Variants in TGFBR2 observed in about 807,000 individuals in gnomAD.
TGFBR2 encodes TGF-beta receptor type-2.
TGFBR2 carries 18 observed loss-of-function variants against 49.0 expected under a neutral mutation model. That is an observed-to-expected ratio of 0.37 (90% CI 0.25 to 0.54). TGFBR2 has a LOEUF of 0.54. Among genes scored for constraint, TGFBR2 ranks in the 20% least tolerant of loss-of-function variants. The pLI is 0.85. For missense variants in TGFBR2, 525 were observed against 722.6 expected (o/e 0.73, Z 3.13); for synonymous variants, 282 against 275.9 (o/e 1.02, Z -0.22).
chr3:30,606,923 A>C lies in TGFBR2; in HGVS notation c.40A>C (p.Ile14Leu). ...GCTCAGGGGCCTGTGGCCGCTGCAC[A>C]TCGTCCTGTGGACGCGTATCGCCAG... is the stretch of plus-strand genomic sequence containing the variant. Reference protein sequence around the residue: ...GLLRGLWPLHIVLWTRIASTI... With the variant: ...GLLRGLWPLHLVLWTRIASTI... Residue 14 changes from isoleucine (I) to leucine (L), a missense_variant, in exon 1 of 7, where the codon ATC becomes CTC. By Grantham distance (5) the Ile-to-Leu change is conservative. Transcript: ENST00000295754. The C allele has an allele frequency of 6.3e-7, 1 of 1,599,900 alleles. No homozygotes were observed. The highest frequency in any genetic ancestry group is 8.5e-7 in the Non-Finnish European group (1 of 1,173,148).
At chr3:30,652,837 A>G (rs532274865) in intron 3 of TGFBR2, among the ~76,000 whole-genome samples, 1 of 152,342 alleles carries the variant, frequency 6.6e-6, no homozygotes, top group South Asian at 2.1e-4. Flanking sequence ...ATATTTTATC[A>G]TTGAATATCT....
At chr3:30,622,829 G>A (rs7644802) in intron 1 of TGFBR2, among the ~76,000 whole-genome samples, 65,965 of 138,656 alleles carry the variant, frequency 0.48, 14,916 homozygotes, top group Middle Eastern at 0.62. Flanking sequence ...GCAGTGATCC[G>A]ATATCGCACC....
At chr3:30,621,482 T>C (rs1386862200) in intron 1 of TGFBR2, among the ~76,000 whole-genome samples, 1 of 152,098 alleles carries the variant, frequency 6.6e-6, no homozygotes, top group Non-Finnish European at 1.5e-5. Flanking sequence ...GGTTTTGCCA[T>C]GTTGGCCATG....
chr3:30,688,088 G>C (rs1699654064), intron 5 of TGFBR2, among the ~76,000 whole-genome samples: 1 of 152,194 alleles, frequency 6.6e-6, no homozygotes, highest in Non-Finnish European at 1.5e-5. Context: ...AAATGCCTGT[G>C]TTAAAACCTA....
rs538862491 is a variant in TGFBR2 at position 30,620,342 on chromosome 3, C to G, written c.94+13365C>G. 2.6e-5 allele frequency among the ~76,000 whole-genome samples: 4 copies of G among 152,154 alleles called. No homozygotes were observed. In the South Asian group the frequency reaches 8.3e-4, roughly 32 times the overall value. ...TTTGGAATTCATTGCTTTTAAAGGC[C>G]GAGGAAACTTGCTTTTAGATCCAAG... On this transcript the variant is annotated intron_variant, in intron 1 of 6. Coordinates refer to ENST00000295754, the MANE Select transcript of TGFBR2 (RefSeq NM_003242.6).
chr3:30,686,913 T>C (rs1368268169), intron 5 of TGFBR2, among the ~76,000 whole-genome samples: 1 of 152,228 alleles, frequency 6.6e-6, no homozygotes, highest in African/African-American at 2.4e-5. Context: ...GATTCATTCA[T>C]TCATTCATTC....
intron 1 of TGFBR2, among the ~76,000 whole-genome samples, chr3:30,633,048 G>C (rs1698465929): frequency 6.6e-6 from 1 of 152,148 alleles, no homozygotes; most frequent in African/African-American, 2.4e-5. Context: ...CCTTGTACTG[G>C]AATGTGTGTA....
chr3:30,629,762 C>T (rs1698401645), intron 1 of TGFBR2, among the ~76,000 whole-genome samples: 1 of 152,120 alleles, frequency 6.6e-6, no homozygotes, highest in Non-Finnish European at 1.5e-5. Context: ...AGCTAATAAA[C>T]AAGATTCTAT....
At chr3:30,612,633 T>C (rs960350344) in intron 1 of TGFBR2, among the ~76,000 whole-genome samples, 1 of 152,220 alleles carries the variant, frequency 6.6e-6, no homozygotes, top group Admixed American at 6.5e-5. Context: ...GTAGGACTCA[T>C]GGTGGGTGAC....
chr3:30,649,245 A>T (rs1367796041), intron 2 of TGFBR2, among the ~76,000 whole-genome samples: 1 of 152,190 alleles, frequency 6.6e-6, no homozygotes, highest in Non-Finnish European at 1.5e-5. Flanking sequence ...GAAAGGGTGG[A>T]TGTCAGACTA....
chr3:30,663,253 T>C (rs1047141837), intron 3 of TGFBR2, among the ~76,000 whole-genome samples: 1 of 150,310 alleles, frequency 6.7e-6, no homozygotes, highest in African/African-American at 2.5e-5. Flanking sequence ...TAAATATATA[T>C]ACAGTACAGT....
At chr3:30,683,320 A>G (rs1045237455) in intron 5 of TGFBR2, among the ~76,000 whole-genome samples, 2 of 152,324 alleles carry the variant, frequency 1.3e-5, no homozygotes, top group African/African-American at 2.4e-5. Flanking sequence ...TTTGCAATAT[A>G]AGGACAGAAA....
At chr3:30,609,724 G>T (rs1415441791) in intron 1 of TGFBR2, among the ~76,000 whole-genome samples, 1 of 152,134 alleles carries the variant, frequency 6.6e-6, no homozygotes, top group African/African-American at 2.4e-5. Flanking sequence ...TAGTGATCAG[G>T]TTCTTCACAT....
intron 1 of TGFBR2, among the ~76,000 whole-genome samples, chr3:30,634,681 A>G (rs1373996310): frequency 6.6e-6 from 1 of 152,212 alleles, no homozygotes; most frequent in Non-Finnish European, 1.5e-5. Context: ...GACCATCACC[A>G]AGAGAGTTAT....
intron 1 of TGFBR2, among the ~76,000 whole-genome samples, chr3:30,621,343 C>T (rs1393757382): frequency 3.5e-5 from 5 of 141,162 alleles, no homozygotes; most frequent in Non-Finnish European, 6.0e-5. Flanking sequence ...TACAATGGCA[C>T]GACCTCAGCT....
rs1698431864 is a variant in TGFBR2 at position 30,631,251 on chromosome 3, A to C, written c.95-13496A>C. Among the ~76,000 whole-genome samples, 2 of 152,082 alleles carry C rather than the reference A, an allele frequency of 1.3e-5. 1 individual carries two copies. The highest frequency in any genetic ancestry group is 2.9e-5 in the Non-Finnish European group (2 of 68,020). ...GAGACGGGGTTTCGCCATATTGGCC[A>C]GGATGGTCTTGATTTCTTGACCTCG... On this transcript the variant is annotated intron_variant, in intron 1 of 6. Transcript: ENST00000295754.
At chr3:30,686,019 A>G (rs910179397) in intron 5 of TGFBR2, among the ~76,000 whole-genome samples, 1 of 152,244 alleles carries the variant, frequency 6.6e-6, no homozygotes, top group East Asian at 1.9e-4. Context: ...AGATTGGATT[A>G]CAAGATAAAT....
At chr3:30,656,597 T>C (rs886928475) in intron 3 of TGFBR2, among the ~76,000 whole-genome samples, 3 of 152,102 alleles carry the variant, frequency 2.0e-5, no homozygotes, top group Non-Finnish European at 4.4e-5. Context: ...CTGCTGAAGG[T>C]GGGTACGTGG....
In TGFBR2 at chr3:30,692,792, A is replaced by C. The variant is rs899367726; in HGVS notation, c.*1193A>C. On this transcript the variant is annotated 3_prime_UTR_variant, in exon 7 of 7. Transcript: ENST00000295754. ...GTTTGGTCAGCACAGCGTTTCAAAAAGTGAAGCCACTTTATAAATATTTGG... is the reference window on the plus strand; with the variant it reads ...GTTTGGTCAGCACAGCGTTTCAAAACGTGAAGCCACTTTATAAATATTTGG... The C allele has an allele frequency of 1.7e-5, 4 of 233,098 alleles. No individual in the cohort carries two copies. The highest frequency in any genetic ancestry group is 3.4e-5 in the Non-Finnish European group (4 of 117,934). 14.4% of individuals were successfully genotyped at this position (233,098 alleles called of 1,614,324 possible). A position where few individuals can be genotyped will look rare whatever the true frequency, so the allele number is the denominator to read the frequency against.
Sources: allele counts gnomAD v4.1 joint callset (sites outside exome capture counted in the v4.1 genomes callset), GRCh38; gene constraint gnomAD v4.1.1; transcripts MANE v1.5; gene names NCBI Gene and HGNC (gene_info 2026-07-23, HGNC 2026-07-21).